Variants in CUL9 observed in about 807,000 individuals in gnomAD.
CUL9 encodes cullin-9.
In CUL9, 79 loss-of-function variants were observed where a neutral mutation model predicts 272.6. The ratio of observed to expected loss-of-function variants is 0.29; its 90% confidence interval spans 0.24 to 0.35. The LOEUF (loss-of-function observed/expected upper bound fraction) is 0.35. Among genes scored for constraint, CUL9 ranks in the 10% least tolerant of loss-of-function variants. The pLI is 1.00. For synonymous variants in CUL9, 1,186 were observed against 1,286.5 expected, an observed-to-expected ratio of 0.92 and a Z score of 1.67; for missense variants, 2,532 against 3,255.6, an observed-to-expected ratio of 0.78 and a Z score of 5.41.
At chr6:43,204,602 T>G (rs1269167211) in intron 21 of CUL9, 63 bp downstream of exon 21, 4 of 1,601,464 alleles carry the variant, frequency 2.5e-6, no homozygotes, top group Non-Finnish European at 3.4e-6. Context: ...GGCTCCCTCC[T>G]CCCTGGGTCT....
At chr6:43,222,989 C>T (rs1776497436) in intron 38 of CUL9, 93 bp downstream of exon 38, 3 of 1,051,896 alleles carry the variant, frequency 2.9e-6, no homozygotes, top group Non-Finnish European at 4.3e-6. Context: ...GGCACCCTTA[C>T]CTTCCCTCTC....
At position 43,202,785 on chromosome 6, in the gene CUL9, T is replaced by C. The variant is rs912901850; in HGVS notation, c.3717T>C (p.Gly1239=). The C allele has an allele frequency of 1.9e-6, 3 of 1,613,858 alleles. No individual in the cohort carries two copies. The highest frequency in any genetic ancestry group is 2.5e-6 in the Non-Finnish European group (3 of 1,179,936). Reference sequence around the variant, plus strand: ...CAGCCAGGGTGGTGGTGTTTGGGGGTGACAGCACCAGCTGCATCGGCACTG... The same window carrying C: ...CAGCCAGGGTGGTGGTGTTTGGGGGCGACAGCACCAGCTGCATCGGCACTG... The part of the protein sequence containing the change: ...YMPARVVVFG[G]DSTSCIGTEL... Residue 1239 remains glycine, a synonymous_variant, in exon 17 of 41, where the codon GGT becomes GGC. Transcript: ENST00000252050.
Position 43,203,063 on chromosome 6 carries a change from T to C in CUL9, c.3754-46T>C. The C allele has an allele frequency of 6.2e-7, 1 of 1,602,028 alleles. No homozygotes were observed. Among genetic ancestry groups the C allele is most frequent in the Non-Finnish European group, 8.5e-7 (1 of 1,170,696 alleles). Reference sequence around the variant, plus strand: ...ACTGTCAACAATTTTTCCAACCTTGTTTCTGGAGGTGACAGTTCTCTCCCT... The same window carrying C: ...ACTGTCAACAATTTTTCCAACCTTGCTTCTGGAGGTGACAGTTCTCTCCCT... On this transcript the variant is annotated intron_variant, in intron 17 of 40. Coordinates refer to ENST00000252050, the MANE Select transcript of CUL9 (RefSeq NM_015089.4). This position sits in a 1 kb window ranked among gnomAD's most constrained non-coding sequence, Gnocchi z 5.0.
Position 43,204,353 on chromosome 6 carries a change from C to T in CUL9, c.4160-7C>T, listed in dbSNP as rs1774875717. ...TGGAGACCTGTTCCTGACCTGTCTT[C>T]TTTCAGATGCGGAAGGCGTGAGTGC... On this transcript the variant is annotated splice_region_variant and splice_polypyrimidine_tract_variant and intron_variant, in intron 20 of 40. Transcript: ENST00000252050. The T allele has an allele frequency of 6.2e-7, 1 of 1,613,488 alleles. No homozygotes were observed. Among genetic ancestry groups the T allele is most frequent in the Non-Finnish European group, 8.5e-7 (1 of 1,179,480 alleles).
At chr6:43,186,894 C>A in intron 4 of CUL9, 66 bp from the exon 5 acceptor site, 3 of 1,574,026 alleles carry the variant, frequency 1.9e-6, no homozygotes, top group Non-Finnish European at 2.6e-6. Context: ...TTCAAGCCTT[C>A]ACAGGCCAAG....
At chr6:43,185,426 G>A (rs754262116) in intron 2 of CUL9, 30 bp from the exon 3 acceptor site, 18 of 1,604,454 alleles carry the variant, frequency 1.1e-5, no homozygotes, top group Non-Finnish European at 1.4e-5. Flanking sequence ...GGGGATTGAG[G>A]AGAAGATATG....
intron 29 of CUL9, among the ~76,000 whole-genome samples, chr6:43,214,722 A>T (rs1445927268): frequency 6.6e-6 from 1 of 151,440 alleles, no homozygotes; most frequent in African/African-American, 2.4e-5. Flanking sequence ...AATCACTTGA[A>T]CCCAGGAGGC....
rs1774878850 is a variant in CUL9 at position 43,204,410 on chromosome 6, C to G, written c.4210C>G (p.Gln1404Glu). The change falls in exon 21 of 41, where the codon CAG (glutamine) becomes GAG (glutamate). Residue 1404 changes from glutamine (Q) to glutamate (E), a missense_variant. Transcript: ENST00000252050. Reference sequence around the variant, plus strand: ...ATGGCTGCTGGATCAGTACTTAGAACAGAGAGAGACCTCTCGGAACCCCTT... The same window carrying G: ...ATGGCTGCTGGATCAGTACTTAGAAGAGAGAGAGACCTCTCGGAACCCCTT... ...LGWLLDQYLE[Q>E]RETSRNPLSR... 1 of 1,614,060 alleles carries G rather than the reference C, an allele frequency of 6.2e-7. No homozygotes were observed. Among genetic ancestry groups the G allele is most frequent in the African/African-American group, 1.3e-5 (1 of 74,920 alleles).
At chr6:43,188,228 G>A in intron 7 of CUL9, 110 bp downstream of exon 7, 7 of 1,308,588 alleles carry the variant, frequency 5.3e-6, no homozygotes, top group Non-Finnish European at 7.3e-6. Context: ...GATTTTTGCA[G>A]GGGAAAATGC....
chr6:43,213,219 G>A lies in CUL9; in HGVS notation c.5283G>A (p.Glu1761=), dbSNP rs917898216. ...AGTGGACGTGGCTGGGCCGGGCTGA[G>A]CTGCAGTTTGGGAAGCAGATACTGC... is the stretch of plus-strand genomic sequence containing the variant. ...RLQWTWLGRA[E]LQFGKQILHV... The change falls in exon 27 of 41, where the codon GAG becomes GAA. Residue 1761 remains glutamate, a synonymous_variant. Transcript: ENST00000252050. The surrounding 1 kb of genome is among the most constrained non-coding windows in gnomAD (Gnocchi z 5.7). 36 of 1,614,008 alleles carry A rather than the reference G, an allele frequency of 2.2e-5. No homozygotes were observed. The highest frequency in any genetic ancestry group is 2.9e-5 in the Non-Finnish European group (34 of 1,180,042).
At position 43,200,560 on chromosome 6, in the gene CUL9, A is replaced by T; in HGVS notation, c.3475+34A>T. On this transcript the variant is annotated intron_variant, in intron 15 of 40. Coordinates refer to ENST00000252050, the MANE Select transcript of CUL9 (RefSeq NM_015089.4). This position sits in a 1 kb window ranked among gnomAD's most constrained non-coding sequence, Gnocchi z 4.0. ...CCTCATCTGCTTTCTCCTGGCTCCC[A>T]TCCAGTGTCTGTTCTCCCCTTCCCT... 6.2e-7 allele frequency: 1 copy of T among 1,614,056 alleles called. No individual in the cohort carries two copies. The highest frequency in any genetic ancestry group is 8.5e-7 in the Non-Finnish European group (1 of 1,179,980).
chr6:43,197,207 G>A (rs893777287), intron 11 of CUL9, among the ~76,000 whole-genome samples: 3 of 151,266 alleles, frequency 2.0e-5, no homozygotes, highest in Admixed American at 1.3e-4. Flanking sequence ...CCACCACAGC[G>A]GGCTAATTTT....
In CUL9 at chr6:43,203,758, A is replaced by G. The variant is rs1226199988; in HGVS notation, c.4026-96A>G. 1.7e-5 allele frequency: 26 copies of G among 1,529,064 alleles called. No homozygotes were observed. The Admixed American group carries it at 4.5e-4, about 27-fold the overall frequency. 94.7% of individuals were successfully genotyped at this position (1,529,064 alleles called of 1,614,324 possible). On this transcript the variant is annotated intron_variant, in intron 19 of 40. Transcript: ENST00000252050. The surrounding 1 kb of genome is among the most constrained non-coding windows in gnomAD (Gnocchi z 5.0). ...TTAATTGGGAAAAGTTGGGTCAGGGACCGAACAGGGGTGATTGGGAGCTGA... is the reference window on the plus strand; with the variant it reads ...TTAATTGGGAAAAGTTGGGTCAGGGGCCGAACAGGGGTGATTGGGAGCTGA...
intron 26 of CUL9, among the ~76,000 whole-genome samples, chr6:43,212,486 G>C (rs972620706): frequency 2.0e-5 from 3 of 152,150 alleles, no homozygotes; most frequent in African/African-American, 7.2e-5. Flanking sequence ...GGTTTATACA[G>C]GAAAGGCTTG....
At position 43,213,067 on chromosome 6, in the gene CUL9, G is replaced by A; in HGVS notation, c.5213-82G>A. ...CCCTCCTCCCCATAGGGACTAGTAG[G>A]AGCAAAGCTTGACACCTCAACCCCT... On this transcript the variant is annotated intron_variant, in intron 26 of 40. Coordinates refer to ENST00000252050, the MANE Select transcript of CUL9 (RefSeq NM_015089.4). The surrounding 1 kb of genome is among the most constrained non-coding windows in gnomAD (Gnocchi z 5.7). 4 of 1,501,422 alleles carry A rather than the reference G, an allele frequency of 2.7e-6. No individual in the cohort carries two copies. The highest frequency in any genetic ancestry group is 3.6e-6 in the Non-Finnish European group (4 of 1,098,710). 93.0% of individuals were successfully genotyped at this position (1,501,422 alleles called of 1,614,324 possible).
rs1028192890 is a variant in CUL9 at position 43,204,656 on chromosome 6, C to T, written c.4340-92C>T. ...ACCGGCCTTTCCAGGCCCCTGAGAC[C>T]TACTGGCCTTTCCAGGAGATCACTA... On this transcript the variant is annotated intron_variant, in intron 21 of 40. Transcript: ENST00000252050. 4 of 1,578,816 alleles carry T rather than the reference C, an allele frequency of 2.5e-6. No homozygotes were observed. The Admixed American group carries it at 5.1e-5, about 20-fold the overall frequency.
At chr6:43,222,083 C>G in intron 35 of CUL9, 2 of 599,558 alleles carry the variant, frequency 3.3e-6, no homozygotes, top group South Asian at 4.0e-5. Flanking sequence ...GCATTTAGAG[C>G]CTGGCTCTGC....
intron 24 of CUL9, 76 bp downstream of exon 24, chr6:43,205,499 A>G: frequency 6.7e-7 from 1 of 1,498,456 alleles, no homozygotes; most frequent in South Asian, 1.2e-5. Flanking sequence ...CTTATAGGGG[A>G]GATGAGAAAA....
Position 43,192,989 on chromosome 6 carries a change from T to C in CUL9, c.2181-12T>C, listed in dbSNP as rs746823227. On this transcript the variant is annotated splice_polypyrimidine_tract_variant and intron_variant, in intron 8 of 40. Transcript: ENST00000252050. ...TTGGGATGGGGAGCCCCAATATCTC[T>C]TCTCTTGTCAGAGAGAAGCTAGTGA... 1 of 1,612,980 alleles carries C rather than the reference T, an allele frequency of 6.2e-7. No homozygotes were observed. The highest frequency in any genetic ancestry group is 8.5e-7 in the Non-Finnish European group (1 of 1,179,020).
Sources: gnomAD v4.1 joint callset for allele counts (sites outside exome capture counted in the v4.1 genomes callset) on GRCh38, gnomAD v4.1.1 for gene constraint, Gnocchi (gnomAD v3.1) non-coding constraint, MANE v1.5 for transcripts, NCBI Gene and HGNC (gene_info 2026-07-23, HGNC 2026-07-21) for gene names.